The following WDR49 variants were observed in gnomAD, a reference collection of about 807,000 sequenced individuals.
WDR49 encodes cilia- and flagella-associated protein 337.
A neutral mutation model predicts 119.5 loss-of-function variants in WDR49; 107 were observed. That is an observed-to-expected ratio of 0.90 (90% confidence interval 0.77 to 1.05). WDR49 has a LOEUF of 1.05. WDR49 is among the 50% of genes least tolerant of loss of function. The pLI is 0.00. For missense variants in WDR49, 1,240 were observed against 1,220.5 expected, an observed-to-expected ratio of 1.02 and a Z score of -0.24; for synonymous variants, 425 against 418.8, an observed-to-expected ratio of 1.01 and a Z score of -0.18.
intron 8 of WDR49, among the ~76,000 whole-genome samples, chr3:167,570,171 G>T (rs1234379274): frequency 6.6e-6 from 1 of 151,930 alleles, no homozygotes; most frequent in Non-Finnish European, 1.5e-5. Flanking sequence ...CAGCAAAGAG[G>T]CAGGAAAGGA....
intron 2 of WDR49, among the ~76,000 whole-genome samples, chr3:167,631,325 A>C (rs957718169): frequency 6.6e-6 from 1 of 152,090 alleles, no homozygotes; most frequent in Non-Finnish European, 1.5e-5. Flanking sequence ...TAATTTAAAA[A>C]AGAGATGTCA....
intron 7 of WDR49, among the ~76,000 whole-genome samples, chr3:167,591,254 T>C (rs1358049933): frequency 6.6e-6 from 1 of 152,110 alleles, no homozygotes; most frequent in Non-Finnish European, 1.5e-5. Context: ...TTTTAGTACC[T>C]TGTGATTAGA....
chr3:167,524,170 G>GT (rs1381620302), intron 15 of WDR49, among the ~76,000 whole-genome samples: 2 of 151,988 alleles, frequency 1.3e-5, no homozygotes, highest in African/African-American at 2.4e-5. Context: ...TTTTTTCAGT[G>GT]TTTTTTGGCC....
upstream of WDR49, among the ~76,000 whole-genome samples, chr3:167,657,514 G>T (rs1718633414): frequency 6.6e-6 from 1 of 151,680 alleles, no homozygotes; most frequent in Admixed American, 6.6e-5. Flanking sequence ...AGGCAGTTAT[G>T]ATCATTAGCC....
chr3:167,633,703 A>G (rs1365540104), intron 2 of WDR49, among the ~76,000 whole-genome samples: 1 of 151,996 alleles, frequency 6.6e-6, no homozygotes, highest in African/African-American at 2.4e-5. Flanking sequence ...GGATATACAT[A>G]CATATACATA....
rs1751826361 is a variant in WDR49, at chr3:167,507,695, C to T, written c.2775-2279G>A. Among the ~76,000 whole-genome samples, 3 of 152,094 alleles carry T rather than the reference C, an allele frequency of 2.0e-5. No homozygotes were observed. The South Asian group carries it at 6.2e-4, about 31-fold the overall frequency. ...CTATCTCATCCTGTGGAATCTAAAT[C>T]AAGTAGCTTTTATATAAAGCAAAAC... is the stretch of plus-strand genomic sequence containing the variant. On this transcript the variant is annotated intron_variant, in intron 16 of 18. Coordinates refer to ENST00000682715, the MANE Select transcript of WDR49 (RefSeq NM_001366157.1).
chr3:167,530,149 C>T (rs116086166), intron 13 of WDR49, among the ~76,000 whole-genome samples: 12 of 151,764 alleles, frequency 7.9e-5, no homozygotes, highest in Non-Finnish European at 1.6e-4. Flanking sequence ...TCTAAACATC[C>T]CAGAATGTTT....
chr3:167,580,742 T>A (rs1319919792), intron 7 of WDR49, among the ~76,000 whole-genome samples: 1 of 152,186 alleles, frequency 6.6e-6, no homozygotes, highest in African/African-American at 2.4e-5. Flanking sequence ...CACTTAAATA[T>A]CTAGTTATTA....
chr3:167,586,092 T>C (rs1328257476), intron 7 of WDR49, among the ~76,000 whole-genome samples: 1 of 152,148 alleles, frequency 6.6e-6, no homozygotes, highest in African/African-American at 2.4e-5. Flanking sequence ...AGGTCTACAA[T>C]ATAGAAGCCA....
intron 2 of WDR49, among the ~76,000 whole-genome samples, chr3:167,646,876 G>C (rs1263806379): frequency 6.6e-6 from 1 of 152,134 alleles, no homozygotes; most frequent in Non-Finnish European, 1.5e-5. Context: ...GGTGAGACAT[G>C]ATGAAGGGAG....
At chr3:167,621,719 A>G (rs1178148226) in intron 3 of WDR49, 76 bp from the exon 4 acceptor site, 1 of 1,338,858 alleles carries the variant, frequency 7.5e-7, no homozygotes, top group Admixed American at 2.5e-5. Flanking sequence ...CAGACACGCC[A>G]CTCTAATTGC....
At chr3:167,629,888 A>C (rs1322949000) in intron 2 of WDR49, among the ~76,000 whole-genome samples, 5 of 152,086 alleles carry the variant, frequency 3.3e-5, no homozygotes, top group African/African-American at 1.2e-4. Flanking sequence ...ATCAAACTTA[A>C]ATGGATGTGG....
At chr3:167,489,170 C>T (rs965283060) in intron 18 of WDR49, among the ~76,000 whole-genome samples, 2 of 152,060 alleles carry the variant, frequency 1.3e-5, no homozygotes, top group African/African-American at 4.8e-5. Flanking sequence ...ACTTTGTTTG[C>T]CTTTGTATAC....
intron 5 of WDR49, among the ~76,000 whole-genome samples, chr3:167,615,842 A>G (rs1716572240): frequency 6.6e-6 from 1 of 152,222 alleles, no homozygotes; most frequent in African/African-American, 2.4e-5. Context: ...CACTCACTCC[A>G]GCATCCTTTG....
chr3:167,542,915 A>G (rs541861917), intron 10 of WDR49, among the ~76,000 whole-genome samples: 13 of 152,208 alleles, frequency 8.5e-5, no homozygotes, highest in Non-Finnish European at 1.5e-4. Flanking sequence ...CCAAGAATAG[A>G]AGAGAGAAGA....
chr3:167,485,860 G>A (rs1047516333), intron 18 of WDR49, among the ~76,000 whole-genome samples: 5 of 151,996 alleles, frequency 3.3e-5, no homozygotes, highest in African/African-American at 4.8e-5. Flanking sequence ...TTTCCCCAAT[G>A]TTGCTAGAGT....
intron 10 of WDR49, among the ~76,000 whole-genome samples, chr3:167,548,406 T>A (rs1391626326): frequency 1.3e-5 from 2 of 152,014 alleles, no homozygotes; most frequent in Non-Finnish European, 2.9e-5. Context: ...TGGTTTGACT[T>A]AAAATGAAGA....
chr3:167,648,202 G>T (rs920138739), intron 2 of WDR49, among the ~76,000 whole-genome samples: 1 of 152,066 alleles, frequency 6.6e-6, no homozygotes, highest in Non-Finnish European at 1.5e-5. Context: ...CTATGTTTCA[G>T]GCTGGTAAAG....
At chr3:167,606,276 A>G (rs757074372) in intron 5 of WDR49, among the ~76,000 whole-genome samples, 1 of 152,164 alleles carries the variant, frequency 6.6e-6, no homozygotes, top group Non-Finnish European at 1.5e-5. Flanking sequence ...AAAGGTATGC[A>G]TGCACACAAA....
Sources: allele counts gnomAD v4.1 joint callset (sites outside exome capture counted in the v4.1 genomes callset), GRCh38; gene constraint gnomAD v4.1.1; transcripts MANE v1.5; gene names NCBI Gene and HGNC (gene_info 2026-07-23, HGNC 2026-07-21).